Variants in PARD3 observed in about 807,000 individuals in gnomAD.
PARD3 encodes partitioning defective 3 homolog.
PARD3 carries 75 observed loss-of-function variants against 155.4 expected under a neutral mutation model. The observed-to-expected ratio is 0.48, with a 90% CI of 0.40 to 0.58. The LOEUF is 0.58. Among genes scored for constraint, PARD3 ranks in the 20% least tolerant of loss-of-function variants. The probability of loss-of-function intolerance (pLI) is 0.00; values close to 1 mark genes in which losing one functional copy is unlikely to be tolerated. For missense variants in PARD3, 1,642 were observed against 1,721.7 expected (o/e 0.95, Z 0.82); for synonymous variants, 576 against 610.5 (o/e 0.94, Z 0.83).
At chr10:34,321,336 A>T (rs1958362303) in intron 19 of PARD3, among the ~76,000 whole-genome samples, 1 of 152,164 alleles carries the variant, frequency 6.6e-6, no homozygotes, top group South Asian at 2.1e-4. Context: ...ACTAATCATA[A>T]ATTTACATTT....
At chr10:34,327,805 C>T (rs1268040110) in intron 19 of PARD3, among the ~76,000 whole-genome samples, 3 of 152,102 alleles carry the variant, frequency 2.0e-5, no homozygotes, top group Non-Finnish European at 2.9e-5. Context: ...TTAATTTCTA[C>T]GGGCAGCTGT....
intron 1 of PARD3, among the ~76,000 whole-genome samples, chr10:34,798,396 G>A: frequency 6.7e-6 from 1 of 149,780 alleles, no homozygotes; most frequent in Non-Finnish European, 1.5e-5. Context: ...GGAGGAGGAG[G>A]AGAAGAGGAA....
chr10:34,513,747 G>A (rs766987994), intron 3 of PARD3, among the ~76,000 whole-genome samples: 1 of 152,156 alleles, frequency 6.6e-6, no homozygotes, highest in Non-Finnish European at 1.5e-5. Context: ...TACAAACAAT[G>A]ATGTATTTAA....
chr10:34,226,229 C>T (rs770140013), intron 22 of PARD3, among the ~76,000 whole-genome samples: 1 of 152,220 alleles, frequency 6.6e-6, no homozygotes, highest in Non-Finnish European at 1.5e-5. Context: ...TACCACTTCA[C>T]ACTCACTAGG....
Position 34,346,514 on chromosome 10 carries a change from A to ACTCT in PARD3, c.2218+1447_2218+1450dup, listed in dbSNP as rs890406436. ...CACAAATATCTAGGGACACATGCACACTCTCTCTCTCTCAAGGGGACTGAA... is the reference window on the plus strand; with the variant it reads ...CACAAATATCTAGGGACACATGCACACTCTCTCTCTCTCTCTCAAGGGGACTGAA... On this transcript the variant is annotated intron_variant, in intron 15 of 24. Transcript: ENST00000374788. 1.9e-5 allele frequency: 25 copies of ACTCT among 1,313,438 alleles called. No individual in the cohort carries two copies. The South Asian group carries it at 2.9e-4, about 15-fold the overall frequency. The allele number at this position is 1,313,438 out of a possible 1,614,324, so 81.4% of individuals were successfully genotyped here. A position where few individuals can be genotyped will look rare whatever the true frequency, so the allele number is the denominator to read the frequency against.
chr10:34,660,829 G>C (rs1045374278), intron 2 of PARD3, among the ~76,000 whole-genome samples: 4 of 152,060 alleles, frequency 2.6e-5, no homozygotes, highest in Non-Finnish European at 4.4e-5. Context: ...AGCTATGCTT[G>C]GCTGTTTCCA....
intron 21 of PARD3, among the ~76,000 whole-genome samples, chr10:34,282,971 C>T (rs1380171791): frequency 2.0e-5 from 3 of 152,038 alleles, no homozygotes; most frequent in Non-Finnish European, 4.4e-5. Flanking sequence ...CGTCTTGCTT[C>T]ATAAATTTAA....
chr10:34,517,780 C>T (rs534770499), intron 2 of PARD3, among the ~76,000 whole-genome samples: 1 of 152,116 alleles, frequency 6.6e-6, no homozygotes, highest in East Asian at 1.9e-4. Context: ...GATGTTTTCA[C>T]AGTCAGAAAC....
At position 34,401,970 on chromosome 10, in the gene PARD3, C is replaced by T. The variant is rs1257065997; in HGVS notation, c.715-53G>A. ...ACACTCTGTGTTAGGTTTCTTGCTACAATGTGAAAGGAAACTGGATAAAAT... is the reference window on the plus strand; with the variant it reads ...ACACTCTGTGTTAGGTTTCTTGCTATAATGTGAAAGGAAACTGGATAAAAT... On this transcript the variant is annotated intron_variant, in intron 5 of 24. Coordinates refer to ENST00000374788, the MANE Select transcript of PARD3 (RefSeq NM_001184785.2). The T allele has an allele frequency of 1.5e-5, 21 of 1,392,006 alleles. No homozygotes were observed. In the East Asian group the frequency reaches 3.0e-4, roughly 20 times the overall value. The allele number at this position is 1,392,006 out of a possible 1,614,324, so 86.2% of individuals were successfully genotyped here.
At position 34,374,964 on chromosome 10, in the gene PARD3, T is replaced by G. The variant is rs942972838; in HGVS notation, c.1578A>C (p.Glu526Asp). 1 of 1,613,574 alleles carries G rather than the reference T, an allele frequency of 6.2e-7. No individual in the cohort carries two copies. Among genetic ancestry groups the G allele is most frequent in the South Asian group, 1.1e-5 (1 of 91,062 alleles). ...GVDLVGKSQE[E>D]VVSLLRSTKM... ...TGGTGCTTCTCAACAGCGAAACAACTTCCTCTTGGGATTTGCCCACTAAAT... is the reference window on the plus strand; with the variant it reads ...TGGTGCTTCTCAACAGCGAAACAACGTCCTCTTGGGATTTGCCCACTAAAT... The change falls in exon 11 of 25, where the codon GAA becomes GAC. Residue 526 changes from glutamate (E) to aspartate (D), a missense_variant. By Grantham distance (45) the Glu-to-Asp change is conservative. Coordinates refer to ENST00000374788, the MANE Select transcript of PARD3 (RefSeq NM_001184785.2).
chr10:34,743,400 T>C (rs373868850), intron 1 of PARD3, among the ~76,000 whole-genome samples: 1 of 152,210 alleles, frequency 6.6e-6, no homozygotes, highest in East Asian at 1.9e-4. Context: ...GTTTCTTTGA[T>C]TGACCTAAGA....
intron 3 of PARD3, 59 bp downstream of exon 3, chr10:34,516,918 CAA>C: frequency 1.3e-6 from 2 of 1,497,112 alleles, no homozygotes; most frequent in Non-Finnish European, 1.8e-6. Flanking sequence ...GGATGAATAA[CAA>C]AAGTTGGTAT....
At chr10:34,133,840 T>C (rs1210888505) in intron 22 of PARD3, among the ~76,000 whole-genome samples, 1 of 152,210 alleles carries the variant, frequency 6.6e-6, no homozygotes, top group African/African-American at 2.4e-5. Flanking sequence ...CTTTCATCAT[T>C]TAACATATTG....
intron 3 of PARD3, among the ~76,000 whole-genome samples, chr10:34,492,573 T>A (rs530807164): frequency 6.6e-6 from 1 of 152,222 alleles, no homozygotes; most frequent in Non-Finnish European, 1.5e-5. Flanking sequence ...GACCTAAATA[T>A]TGACAGTTAA....
At chr10:34,624,984 C>CATGCAAAGAAAGGCATGCA (rs1262387762) in intron 2 of PARD3, among the ~76,000 whole-genome samples, 8 of 152,202 alleles carry the variant, frequency 5.3e-5, no homozygotes, top group African/African-American at 9.6e-5. Flanking sequence ...CAAAGACATA[C>CATGCAAAGAAAGGCATGCA]AAGAGCTAAG....
chr10:34,809,605 T>C (rs12243086), intron 1 of PARD3, among the ~76,000 whole-genome samples: 3,296 of 152,180 alleles, frequency 0.022, 120 homozygotes, highest in African/African-American at 0.076. Flanking sequence ...AAAGTGTATG[T>C]GAGTCCCAGG....
At chr10:34,544,613 C>T (rs1203754448) in intron 2 of PARD3, among the ~76,000 whole-genome samples, 5 of 152,150 alleles carry the variant, frequency 3.3e-5, no homozygotes, top group African/African-American at 9.7e-5. Context: ...AATATTCAGG[C>T]CCCATCAGTC....
chr10:34,276,247 TA>T (rs5784404), intron 21 of PARD3, among the ~76,000 whole-genome samples: 125,109 of 150,984 alleles, frequency 0.83, 53,362 homozygotes, highest in East Asian at 0.99. Context: ...TTCCTTTTTG[TA>T]AAAAAAAAAA....
chr10:34,125,028 G>A (rs937236880), intron 23 of PARD3, among the ~76,000 whole-genome samples: 15 of 151,898 alleles, frequency 9.9e-5, no homozygotes, highest in East Asian at 1.9e-4. Context: ...CATGTGTGAT[G>A]GGCACCTCTC....
Sources: allele counts gnomAD v4.1 joint callset (sites outside exome capture counted in the v4.1 genomes callset), GRCh38; gene constraint gnomAD v4.1.1; transcripts MANE v1.5; gene names NCBI Gene and HGNC (gene_info 2026-07-23, HGNC 2026-07-21).